The following IQCM variants were observed in gnomAD, a reference collection of about 807,000 sequenced individuals.
IQCM encodes the protein IQ domain-containing protein M.
A neutral mutation model predicts 57.6 loss-of-function variants in IQCM; 45 were observed. The ratio of observed to expected loss-of-function variants is 0.78; its 90% CI spans 0.62 to 1.00. IQCM has a LOEUF of 1.00. Ranked by LOEUF, IQCM falls within the 50% of genes least tolerant of loss-of-function variation. The pLI is 0.00. For synonymous variants in IQCM, 148 were observed against 158.9 expected (o/e 0.93, Z 0.51); for missense variants, 468 against 511.6 (o/e 0.91, Z 0.82).
chr4:149,600,912 A>G (rs1180767129), intron 8 of IQCM, among the ~76,000 whole-genome samples: 2 of 152,140 alleles, frequency 1.3e-5, no homozygotes, highest in Non-Finnish European at 2.9e-5. Flanking sequence ...CTGTGGTCCT[A>G]TTTCATTATT....
rs1482588212 is a variant in IQCM at position 149,478,637 on chromosome 4, T to C, written c.1229-45080A>G. On this transcript the variant is annotated intron_variant, in intron 12 of 13. Coordinates refer to ENST00000636793, the MANE Select transcript of IQCM (RefSeq NM_001363507.2). ...ACTACCAGGAAACACACTGGAGCAA[T>C]TTCATGGAGAAGACAAGACGCAGGA... Among the ~76,000 whole-genome samples the C allele has an allele frequency of 3.3e-5, 5 of 152,104 alleles. No individual in the cohort carries two copies. The East Asian group carries it at 9.6e-4, about 29-fold the overall frequency.
chr4:149,609,085 A>G (rs1052579517), intron 8 of IQCM, among the ~76,000 whole-genome samples: 2 of 151,988 alleles, frequency 1.3e-5, no homozygotes, highest in East Asian at 3.9e-4. Context: ...ACAGAAATTC[A>G]AAGGATCATT....
intron 12 of IQCM, among the ~76,000 whole-genome samples, chr4:149,521,700 T>G (rs1439014371): frequency 6.6e-6 from 1 of 152,224 alleles, no homozygotes; most frequent in African/African-American, 2.4e-5. Context: ...TGGGTGTGAC[T>G]GAGACAAACA....
intron 5 of IQCM, among the ~76,000 whole-genome samples, chr4:149,695,261 G>A (rs1365521052): frequency 6.6e-6 from 1 of 152,076 alleles, no homozygotes; most frequent in Non-Finnish European, 1.5e-5. Flanking sequence ...CAATGTGACA[G>A]GCAGTCTGCT....
intron 5 of IQCM, among the ~76,000 whole-genome samples, chr4:149,687,860 C>T (rs1762660623): frequency 6.6e-6 from 1 of 151,956 alleles, no homozygotes; most frequent in Non-Finnish European, 1.5e-5. Flanking sequence ...ACATGATCAT[C>T]TCAATAGATG....
chr4:149,800,080 T>C (rs1341535999), intron 2 of IQCM, among the ~76,000 whole-genome samples: 1 of 151,768 alleles, frequency 6.6e-6, no homozygotes, highest in Non-Finnish European at 1.5e-5. Context: ...TGCTGCATAT[T>C]GATGAAAAAA....
At chr4:149,811,104 G>A (rs1209647123) in intron 2 of IQCM, among the ~76,000 whole-genome samples, 1 of 152,146 alleles carries the variant, frequency 6.6e-6, no homozygotes, top group East Asian at 1.9e-4. Flanking sequence ...ATATTTCAAA[G>A]TCTTTACAAT....
intron 12 of IQCM, among the ~76,000 whole-genome samples, chr4:149,534,759 G>T (rs1032820626): frequency 4.6e-5 from 7 of 151,978 alleles, no homozygotes; most frequent in Admixed American, 2.6e-4. Context: ...ATTCCATGTT[G>T]ATTTCAATAT....
intron 12 of IQCM, among the ~76,000 whole-genome samples, chr4:149,438,741 T>C (rs762991585): frequency 1.3e-5 from 2 of 152,080 alleles, no homozygotes; most frequent in African/African-American, 2.4e-5. Context: ...TACGTTTAGT[T>C]TCTTTTAAGC....
intron 12 of IQCM, among the ~76,000 whole-genome samples, chr4:149,451,462 CCTA>C (rs1405072292): frequency 1.3e-5 from 2 of 151,478 alleles, no homozygotes; most frequent in African/African-American, 4.8e-5. Flanking sequence ...AATATATGCA[CCTA>C]CTATTTGCCC....
chr4:149,412,062 G>A (rs1165493886), intron 13 of IQCM, among the ~76,000 whole-genome samples: 1 of 123,192 alleles, frequency 8.1e-6, no homozygotes, highest in African/African-American at 3.0e-5. Flanking sequence ...TTTAGTGTGT[G>A]TGTTTGTGTG....
chr4:149,690,598 A>G (rs1762875233), intron 5 of IQCM, among the ~76,000 whole-genome samples: 2 of 152,112 alleles, frequency 1.3e-5, no homozygotes, highest in African/African-American at 4.8e-5. Context: ...TAAGAAATAA[A>G]ACATATGGGA....
At chr4:149,362,613 C>T (rs180747812) in intron 13 of IQCM, among the ~76,000 whole-genome samples, 1 of 152,140 alleles carries the variant, frequency 6.6e-6, no homozygotes. Context: ...CACCTCCCAC[C>T]GTGATTCTGA....
chr4:149,665,868 C>T (rs181417797), intron 7 of IQCM, among the ~76,000 whole-genome samples: 86 of 152,162 alleles, frequency 5.7e-4, no homozygotes, highest in African/African-American at 1.8e-3. Context: ...CTAAGTCTTC[C>T]GGCCACCACA....
intron 2 of IQCM, among the ~76,000 whole-genome samples, chr4:149,754,045 C>T (rs187977168): frequency 6.6e-6 from 1 of 152,174 alleles, no homozygotes; most frequent in Admixed American, 6.5e-5. Context: ...TGGCTCTCAC[C>T]AGACTTTTGC....
At chr4:149,445,933 T>C (rs770288340) in intron 12 of IQCM, among the ~76,000 whole-genome samples, 5 of 151,788 alleles carry the variant, frequency 3.3e-5, no homozygotes, top group Non-Finnish European at 7.4e-5. Context: ...TTTTTCCCTA[T>C]ATTTACTCCC....
At chr4:149,716,623 G>A (rs557074438) in intron 5 of IQCM, among the ~76,000 whole-genome samples, 263 of 152,276 alleles carry the variant, frequency 1.7e-3, no homozygotes, top group African/African-American at 5.2e-3. Flanking sequence ...GGCTGCAGCC[G>A]GCATCTTTGC....
rs1185485774 is a variant in IQCM at position 149,446,551 on chromosome 4, A to G, written c.1229-12994T>C. On this transcript the variant is annotated intron_variant, in intron 12 of 13. Coordinates refer to ENST00000636793, the MANE Select transcript of IQCM (RefSeq NM_001363507.2). ...TTGAGAAATTATTACAGCAAACTAA[A>G]ACATACGCAAAACCAGGATCTTAAT... Among the ~76,000 whole-genome samples, 5 of 151,684 alleles carry G rather than the reference A, an allele frequency of 3.3e-5. No homozygotes were observed. In the East Asian group the frequency reaches 9.7e-4, roughly 29 times the overall value.
intron 3 of IQCM, among the ~76,000 whole-genome samples, chr4:149,736,771 A>G (rs1428167341): frequency 6.6e-6 from 1 of 152,196 alleles, no homozygotes; most frequent in Non-Finnish European, 1.5e-5. Context: ...AGTTTGGAAA[A>G]GGTATGGCAA....
Sources: allele counts gnomAD v4.1 joint callset (sites outside exome capture counted in the v4.1 genomes callset), GRCh38; gene constraint gnomAD v4.1.1; transcripts MANE v1.5; gene names NCBI Gene and HGNC (gene_info 2026-07-23, HGNC 2026-07-21).